Variants in AP1B1 observed in about 807,000 individuals in gnomAD.
AP1B1 encodes AP-1 complex subunit beta-1.
A neutral mutation model predicts 104.3 loss-of-function variants in AP1B1; 36 were observed. That is an observed-to-expected ratio of 0.35 (90% CI 0.26 to 0.46). The LOEUF (loss-of-function observed/expected upper bound fraction) is 0.46, where lower values mean the gene tolerates loss of function less well. AP1B1 is among the 20% of genes least tolerant of loss of function. The pLI, the probability that AP1B1 is intolerant of heterozygous loss-of-function variation, is 1.00. For missense variants in AP1B1, 901 were observed against 1,247.9 expected (o/e 0.72, Z 4.19); for synonymous variants, 504 against 517.5 (o/e 0.97, Z 0.35).
At position 29,377,351 on chromosome 22, in the gene AP1B1, G is replaced by A. The variant is rs186605027; in HGVS notation, c.-27-10081C>T. Reference sequence around the variant, plus strand: ...TTTCAGACTTTCTCTCTGAGAAAACGTGGTTACCAAATTCAGACAGGCTCT... The same window carrying A: ...TTTCAGACTTTCTCTCTGAGAAAACATGGTTACCAAATTCAGACAGGCTCT... On this transcript the variant is annotated intron_variant, in intron 1 of 22. Coordinates refer to ENST00000357586, the MANE Select transcript of AP1B1 (RefSeq NM_001127.4). Among the ~76,000 whole-genome samples, 34 of 152,230 alleles carry A rather than the reference G, an allele frequency of 2.2e-4. 1 individual carries two copies. In the East Asian group the frequency reaches 6.0e-3, roughly 27 times the overall value.
chr22:29,350,224 C>T (rs186300911), intron 9 of AP1B1, 74 bp from the exon 10 acceptor site: 301 of 1,159,124 alleles, frequency 2.6e-4, no homozygotes, highest in African/African-American at 1.9e-3. Context: ...GTCCACGCCT[C>T]GGCCAAGGGC....
chr22:29,330,263 C>G lies in AP1B1; in HGVS notation c.2766+115G>C, dbSNP rs1275316438. The G allele has an allele frequency of 2.0e-6, 3 of 1,532,366 alleles. No individual in the cohort carries two copies. The East Asian group carries it at 7.2e-5, about 37-fold the overall frequency. The allele number at this position is 1,532,366 out of a possible 1,614,324, so 94.9% of individuals were successfully genotyped here. A position where few individuals can be genotyped will look rare whatever the true frequency, so the allele number is the denominator to read the frequency against. ...GTCCTTCTCAGGGACCAAACTGATT[C>G]TAGTTCAAGCCAGGCTTGAAGGGAC... On this transcript the variant is annotated intron_variant, in intron 21 of 22. Transcript: ENST00000357586.
intron 22 of AP1B1, chr22:29,329,210 GC>G: frequency 8.2e-7 from 1 of 1,222,790 alleles, no homozygotes; most frequent in Non-Finnish European, 1.0e-6. Flanking sequence ...GGGCTGCCCG[GC>G]CCCCCAGAGT....
chr22:29,366,833 GACACACACACAC>G lies in AP1B1; in HGVS notation c.37+362_37+373del, dbSNP rs200885223. Among the ~76,000 whole-genome samples, 1,019 of 131,398 alleles carry G rather than the reference GACACACACACAC, an allele frequency of 7.8e-3. 9 individuals are homozygous for G. The highest frequency in any genetic ancestry group is 0.025 in the African/African-American group (882 of 34,734). The allele number at this position is 131,398 out of a possible 152,430, so 86.2% of individuals were successfully genotyped here. On this transcript the variant is annotated intron_variant, in intron 2 of 22. Coordinates refer to ENST00000357586, the MANE Select transcript of AP1B1 (RefSeq NM_001127.4). Reference sequence around the variant, plus strand: ...AGAAAAACACGTGCCCTTGGATAAGGACACACACACACACACACACACACACACACACACACA... The same window carrying G: ...AGAAAAACACGTGCCCTTGGATAAGGACACACACACACACACACACACACA...
At chr22:29,338,830 C>T (rs1174766771) in intron 16 of AP1B1, among the ~76,000 whole-genome samples, 160 bp downstream of exon 16, 1 of 152,226 alleles carries the variant, frequency 6.6e-6, no homozygotes, top group Non-Finnish European at 1.5e-5. Context: ...ACCCACCAAG[C>T]TTGACTTAGC....
At position 29,340,721 on chromosome 22, in the gene AP1B1, G is replaced by T; in HGVS notation, c.1933C>A (p.Pro645Thr). 6.3e-7 allele frequency: 1 copy of T among 1,592,102 alleles called. No homozygotes were observed. Among genetic ancestry groups the T allele is most frequent in the Non-Finnish European group, 8.5e-7 (1 of 1,169,940 alleles). Residue 645 changes from proline (P) to threonine (T), a missense_variant, in exon 14 of 23, where the codon CCC (proline) becomes ACC (threonine). This residue lies in a region of AP1B1 where 424 missense variants were observed against 494.0 expected (regional missense o/e 0.86). Transcript: ENST00000357586. ...LDLGPPVSGP[P>T]LATSSVQMGA... ...ATCTGCACCGAGGAGGTGGCCAGGG[G>T]TGGGCCGCTCACTGGGGGGCCGAGG...
intron 16 of AP1B1, among the ~76,000 whole-genome samples, chr22:29,336,907 G>T (rs1417918485): frequency 6.6e-6 from 1 of 152,120 alleles, no homozygotes; most frequent in East Asian, 1.9e-4. Flanking sequence ...GCCTGGCAAG[G>T]GCTGGCACCC....
At chr22:29,380,106 G>A (rs974754513) in intron 1 of AP1B1, among the ~76,000 whole-genome samples, 29 of 152,186 alleles carry the variant, frequency 1.9e-4, no homozygotes, top group African/African-American at 6.0e-4. Context: ...AGACACAATG[G>A]TCATGTCAAA....
chr22:29,331,987 G>A (rs553089047), intron 17 of AP1B1, 71 bp from the exon 18 acceptor site: 120 of 1,456,956 alleles, frequency 8.2e-5, no homozygotes, highest in African/African-American at 2.2e-4. Flanking sequence ...GAGCTCCTCC[G>A]ACTCGGGAGC....
rs199663865 is a variant in AP1B1, at chr22:29,351,710, C to T, written c.1054G>A (p.Ala352Thr). 9.1e-5 allele frequency: 147 copies of T among 1,613,682 alleles called. No individual in the cohort carries two copies. Among genetic ancestry groups the T allele is most frequent in the Non-Finnish European group, 1.2e-4 (141 of 1,179,984 alleles). The part of the protein sequence containing the change: ...MIRLASQANI[A>T]QVLAELKEYA... ...GACCATCACACGCAGCTGACCTGGG[C>T]GATGTTGGCCTGAGAGGCCAGGCGG... The change falls in exon 8 of 23, where the codon GCC becomes ACC. Residue 352 changes from alanine (A) to threonine (T), a missense_variant. Ala to Thr is a moderately conservative substitution (Grantham distance 58). Coordinates refer to ENST00000357586, the MANE Select transcript of AP1B1 (RefSeq NM_001127.4).
In AP1B1 at chr22:29,328,590, C is replaced by T; in HGVS notation, c.*231G>A. 1.9e-6 allele frequency: 1 copy of T among 525,964 alleles called. No homozygotes were observed. The highest frequency in any genetic ancestry group is 3.2e-5 in the East Asian group (1 of 30,838). 32.6% of individuals were successfully genotyped at this position (525,964 alleles called of 1,614,324 possible). ...CCCCACCTCACTTAACCCCACATCA[C>T]AGCCACAGGAGCAGGGGTGTCCCAG... On this transcript the variant is annotated 3_prime_UTR_variant, in exon 23 of 23. Coordinates refer to ENST00000357586, the MANE Select transcript of AP1B1 (RefSeq NM_001127.4). The surrounding 1 kb of genome is among the most constrained non-coding windows in gnomAD (Gnocchi z 4.1).
chr22:29,359,030 A>G (rs2062004067), intron 4 of AP1B1, 59 bp from the exon 5 acceptor site: 2 of 1,515,414 alleles, frequency 1.3e-6, no homozygotes, highest in Admixed American at 3.9e-5. Context: ...GTGGCTTCAT[A>G]TTCTCCCTGG....
intron 1 of AP1B1, among the ~76,000 whole-genome samples, chr22:29,381,486 GT>G (rs2062435651): frequency 6.6e-6 from 1 of 152,126 alleles, no homozygotes; most frequent in African/African-American, 2.4e-5. Context: ...CAAATTTCAT[GT>G]TTTGTAAACC....
chr22:29,363,629 A>T (rs571002994), intron 2 of AP1B1, among the ~76,000 whole-genome samples: 1 of 151,698 alleles, frequency 6.6e-6, no homozygotes, highest in African/African-American at 2.4e-5. Flanking sequence ...GCCTGGCGAC[A>T]GGGCCAAGAC....
intron 12 of AP1B1, 68 bp from the exon 13 acceptor site, chr22:29,341,828 C>A: frequency 6.5e-7 from 1 of 1,529,206 alleles, no homozygotes; most frequent in Non-Finnish European, 8.8e-7. Context: ...GACCTTCCTG[C>A]AGCCATGAGC....
At chr22:29,382,243 C>T (rs1392829311) in intron 1 of AP1B1, among the ~76,000 whole-genome samples, 5 of 151,974 alleles carry the variant, frequency 3.3e-5, no homozygotes, top group Admixed American at 6.6e-5. Flanking sequence ...TGTGGAGTCT[C>T]GCTAAATTAT....
intron 1 of AP1B1, among the ~76,000 whole-genome samples, chr22:29,383,714 T>G (rs888959637): frequency 9.3e-5 from 14 of 151,156 alleles, no homozygotes; most frequent in Admixed American, 9.2e-4. Context: ...AAAAAAAGCT[T>G]TTGAGACCTG....
At chr22:29,382,612 T>C (rs909118632) in intron 1 of AP1B1, among the ~76,000 whole-genome samples, 2 of 151,592 alleles carry the variant, frequency 1.3e-5, no homozygotes, top group East Asian at 1.9e-4. Flanking sequence ...GGAAGGAGGA[T>C]AGGGAGGGGA....
In AP1B1 at chr22:29,340,701, C is replaced by T; in HGVS notation, c.1953G>A (p.Val651=). 1 of 1,584,976 alleles carries T rather than the reference C, an allele frequency of 6.3e-7. No individual in the cohort carries two copies. Among genetic ancestry groups the T allele is most frequent in the Non-Finnish European group, 8.6e-7 (1 of 1,165,722 alleles). ...CAAGAAGGTCCACAGCTCCCATCTG[C>T]ACCGAGGAGGTGGCCAGGGGTGGGC... ...VSGPPLATSS[V]QMGAVDLLGG... is the part of the protein sequence containing the mutation. Residue 651 remains valine (V), a synonymous_variant, in exon 14 of 23, where the codon GTG becomes GTA. Coordinates refer to ENST00000357586, the MANE Select transcript of AP1B1 (RefSeq NM_001127.4).
Sources: allele counts gnomAD v4.1 joint callset (sites outside exome capture counted in the v4.1 genomes callset), GRCh38; gene constraint gnomAD v4.1.1; regional missense constraint gnomAD v4.1.1; non-coding constraint Gnocchi (gnomAD v3.1); transcripts MANE v1.5; gene names NCBI Gene and HGNC (gene_info 2026-07-23, HGNC 2026-07-21).